CFAP299: variants seen among roughly 807,000 people sequenced by gnomAD.
CFAP299 encodes cilia and flagella associated protein 299.
A neutral mutation model predicts 27.0 loss-of-function variants in CFAP299; 21 were observed. The observed-to-expected ratio is 0.78, with a 90% CI of 0.55 to 1.12. The LOEUF is 1.12. Among genes scored for constraint, CFAP299 ranks in the 50% most tolerant of loss-of-function variants. The pLI, the probability that CFAP299 is intolerant of heterozygous loss-of-function variation, is 0.00. For synonymous variants in CFAP299, 104 were observed against 98.1 expected, an observed-to-expected ratio of 1.06 and a Z score of -0.36; for missense variants, 310 against 276.6, an observed-to-expected ratio of 1.12 and a Z score of -0.86.
chr4:80,923,521 A>G (rs1052419508), intron 4 of CFAP299, among the ~76,000 whole-genome samples: 1 of 152,076 alleles, frequency 6.6e-6, no homozygotes, highest in Non-Finnish European at 1.5e-5. Flanking sequence ...GTGTGTGTGC[A>G]TGAATATGTT....
intron 2 of CFAP299, among the ~76,000 whole-genome samples, chr4:80,508,136 G>A (rs1274694837): frequency 6.6e-6 from 1 of 152,170 alleles, no homozygotes; most frequent in East Asian, 1.9e-4. Context: ...GAAGCAGTTA[G>A]TATGGACTTA....
intron 2 of CFAP299, among the ~76,000 whole-genome samples, chr4:80,429,673 A>G (rs908124398): frequency 6.6e-6 from 1 of 152,194 alleles, no homozygotes; most frequent in African/African-American, 2.4e-5. Flanking sequence ...TTGAATAACT[A>G]TATCATAGTC....
In CFAP299 at chr4:80,370,552, C is replaced by G. The variant is rs571879117; in HGVS notation, c.242+7668C>G. Among the ~76,000 whole-genome samples, 84 of 152,282 alleles carry G rather than the reference C, an allele frequency of 5.5e-4. 1 individual carries two copies. Among genetic ancestry groups the G allele is most frequent in the African/African-American group, 2.0e-3 (82 of 41,552 alleles). Reference sequence around the variant, plus strand: ...CTTCCAGGATACAATGGGGGATAGGCATTAGGTAAGTACCCTTGTTCCAAA... The same window carrying G: ...CTTCCAGGATACAATGGGGGATAGGGATTAGGTAAGTACCCTTGTTCCAAA... On this transcript the variant is annotated intron_variant, in intron 2 of 5. Coordinates refer to ENST00000358105, the MANE Select transcript of CFAP299 (RefSeq NM_152770.3).
chr4:80,492,119 C>G (rs916041966), intron 2 of CFAP299, among the ~76,000 whole-genome samples: 2 of 152,170 alleles, frequency 1.3e-5, no homozygotes, highest in Non-Finnish European at 2.9e-5. Context: ...TTAAATTCAC[C>G]TATAGCCTGG....
intron 4 of CFAP299, chr4:80,871,657 A>T: frequency 1.0e-6 from 1 of 975,250 alleles, no homozygotes. Flanking sequence ...ATAATTTATT[A>T]AAAACACTGA....
intron 4 of CFAP299, chr4:80,871,406 G>A (rs1254632123): frequency 1.0e-6 from 1 of 985,264 alleles, no homozygotes; most frequent in African/African-American, 1.7e-5. Flanking sequence ...ACTGCTGAAG[G>A]AAATTTTAGG....
intron 5 of CFAP299, among the ~76,000 whole-genome samples, chr4:80,955,870 T>G (rs77781027): frequency 0.037 from 5,617 of 152,090 alleles, 198 homozygotes; most frequent in East Asian, 0.14. Flanking sequence ...CATGGTGGCA[T>G]GCACCTATAA....
intron 2 of CFAP299, among the ~76,000 whole-genome samples, chr4:80,577,085 T>G (rs953264294): frequency 1.3e-5 from 2 of 152,212 alleles, no homozygotes; most frequent in Non-Finnish European, 2.9e-5. Context: ...TCTCATTGTT[T>G]TCACAATGTA....
chr4:80,551,370 A>G (rs1360586872), intron 2 of CFAP299, among the ~76,000 whole-genome samples: 1 of 152,138 alleles, frequency 6.6e-6, no homozygotes, highest in East Asian at 1.9e-4. Flanking sequence ...TAACTTCCTA[A>G]TGCAATTGTT....
At chr4:80,730,016 A>C (rs1723413753) in intron 3 of CFAP299, among the ~76,000 whole-genome samples, 1 of 152,096 alleles carries the variant, frequency 6.6e-6, no homozygotes, top group South Asian at 2.1e-4. Flanking sequence ...CTCTCTAAGC[A>C]GGCTGGGCTC....
chr4:80,787,575 A>C (rs531076594), intron 3 of CFAP299, among the ~76,000 whole-genome samples: 19 of 152,102 alleles, frequency 1.2e-4, no homozygotes, highest in African/African-American at 4.6e-4. Context: ...AGCTCAAGGT[A>C]ACCACGGTTA....
At chr4:80,545,141 T>C (rs1176732042) in intron 2 of CFAP299, among the ~76,000 whole-genome samples, 1 of 152,094 alleles carries the variant, frequency 6.6e-6, no homozygotes, top group Non-Finnish European at 1.5e-5. Context: ...AATCAAGAAA[T>C]TCTTTGAAAC....
Position 80,876,074 on chromosome 4 carries a change from A to G in CFAP299, c.476+5939A>G, listed in dbSNP as rs1349424250. Among the ~76,000 whole-genome samples, 3 of 151,488 alleles carry G rather than the reference A, an allele frequency of 2.0e-5. No individual in the cohort carries two copies. The East Asian group carries it at 5.8e-4, about 29-fold the overall frequency. On this transcript the variant is annotated intron_variant, in intron 4 of 5. Coordinates refer to ENST00000358105, the MANE Select transcript of CFAP299 (RefSeq NM_152770.3). ...GATGTTAACTGAGCACTTACTGTGC[A>G]TAGTACTAATTAATAACTAAAGCAC...
intron 3 of CFAP299, among the ~76,000 whole-genome samples, chr4:80,858,139 A>G (rs1474133251): frequency 1.3e-5 from 2 of 151,934 alleles, no homozygotes; most frequent in East Asian, 1.9e-4. Flanking sequence ...GTCTTGGGAG[A>G]GTGTATGTGT....
At chr4:80,386,994 C>A in intron 2 of CFAP299, 1 of 1,123,418 alleles carries the variant, frequency 8.9e-7, no homozygotes, top group Non-Finnish European at 1.4e-6. Context: ...CCTGCCCCCA[C>A]TGCGGTGGGT....
At position 80,947,311 on chromosome 4, in the gene CFAP299, C is replaced by A. The variant is rs571094138; in HGVS notation, c.606+2372C>A. Among the ~76,000 whole-genome samples the A allele has an allele frequency of 1.9e-4, 29 of 152,104 alleles. No individual in the cohort carries two copies. In the South Asian group the frequency reaches 5.4e-3, roughly 28 times the overall value. ...CGAGACATACAACAACATTTGGATA[C>A]GTATATTTCTTTAAATTTTAATTTT... On this transcript the variant is annotated intron_variant, in intron 5 of 5. Transcript: ENST00000358105.
At chr4:80,895,068 A>T (rs1219868972) in intron 4 of CFAP299, among the ~76,000 whole-genome samples, 2 of 151,954 alleles carry the variant, frequency 1.3e-5, no homozygotes, top group Non-Finnish European at 2.9e-5. Context: ...GTTATGCAGG[A>T]TGAATAAATT....
At position 80,505,261 on chromosome 4, in the gene CFAP299, C is replaced by T. The variant is rs914751204; in HGVS notation, c.243-77832C>T. On this transcript the variant is annotated intron_variant, in intron 2 of 5. Transcript: ENST00000358105. ...TTGATACTCCTTAAGGAATATTGAA[C>T]TGTACACTAAATTGTTTGTGTAGTG... 3.9e-5 allele frequency among the ~76,000 whole-genome samples: 6 copies of T among 152,096 alleles called. 1 individual carries two copies. Among genetic ancestry groups the T allele is most frequent in the Admixed American group, 6.6e-5 (1 of 15,250 alleles).
rs1405303859 is a variant in CFAP299, at chr4:80,626,105, A to G, written c.333+42922A>G. Among the ~76,000 whole-genome samples the G allele has an allele frequency of 2.0e-5, 3 of 152,096 alleles. No homozygotes were observed. In the East Asian group the frequency reaches 5.8e-4, roughly 29 times the overall value. ...TATATATTATTTTATTTGCAACTCC[A>G]CATGGAACATTCTCTAGGATAGATT... On this transcript the variant is annotated intron_variant, in intron 3 of 5. Transcript: ENST00000358105.
Sources: gnomAD v4.1 joint callset for allele counts (sites outside exome capture counted in the v4.1 genomes callset) on GRCh38, gnomAD v4.1.1 for gene constraint, MANE v1.5 for transcripts, NCBI Gene and HGNC (gene_info 2026-07-23, HGNC 2026-07-21) for gene names.